Variants in SGCZ observed in about 807,000 individuals in gnomAD.
The protein encoded by SGCZ is sarcoglycan zeta, also known as zeta-sarcoglycan.
Under a neutral mutation model 41.3 loss-of-function variants are expected in SGCZ, and 40 were observed. The observed-to-expected ratio is 0.97, with a 90% CI of 0.75 to 1.26. The LOEUF (loss-of-function observed/expected upper bound fraction) is 1.26, where lower values mean the gene tolerates loss of function less well. SGCZ is among the 50% of genes most tolerant of loss of function. The probability of loss-of-function intolerance (pLI) is 0.00; values close to 1 mark genes in which losing one functional copy is unlikely to be tolerated. For synonymous variants in SGCZ, 206 were observed against 137.5 expected (o/e 1.50, Z -3.49); for missense variants, 552 against 369.8 (o/e 1.49, Z -4.04).
chr8:14,209,413 T>C (rs10104923), intron 4 of SGCZ, among the ~76,000 whole-genome samples: 114,333 of 151,580 alleles, frequency 0.75, 44,206 homozygotes, highest in African/African-American at 0.91. Flanking sequence ...TTAATTTTCT[T>C]GGTGTGAGAC....
intron 2 of SGCZ, among the ~76,000 whole-genome samples, chr8:14,527,872 G>C (rs931309700): frequency 2.0e-5 from 3 of 151,990 alleles, no homozygotes; most frequent in African/African-American, 7.2e-5. Flanking sequence ...TTCTTTATGA[G>C]TATTCTATAA....
intron 1 of SGCZ, among the ~76,000 whole-genome samples, chr8:14,732,134 T>C (rs538577682): frequency 6.6e-6 from 1 of 152,336 alleles, no homozygotes; most frequent in South Asian, 2.1e-4. Context: ...ATTTAAGTGA[T>C]AACAGGATCT....
At chr8:14,737,514 G>A (rs946322331) in intron 1 of SGCZ, among the ~76,000 whole-genome samples, 2 of 152,030 alleles carry the variant, frequency 1.3e-5, no homozygotes, top group Non-Finnish European at 2.9e-5. Context: ...TACCTTGTTA[G>A]GGCTGATATA....
At chr8:14,771,719 A>G (rs943874089) in intron 1 of SGCZ, among the ~76,000 whole-genome samples, 3 of 152,258 alleles carry the variant, frequency 2.0e-5, no homozygotes, top group African/African-American at 7.2e-5. Flanking sequence ...CTTCACGAAG[A>G]TAAGATCAAG....
chr8:14,582,715 G>T (rs969288234), intron 1 of SGCZ, among the ~76,000 whole-genome samples: 2 of 136,128 alleles, frequency 1.5e-5, no homozygotes, highest in African/African-American at 5.6e-5. Context: ...GTGTCCGTGT[G>T]TTCTCATTGT....
chr8:15,215,310 TC>T (rs922787517), intron 1 of SGCZ, among the ~76,000 whole-genome samples: 26 of 152,302 alleles, frequency 1.7e-4, no homozygotes, highest in African/African-American at 5.3e-4. Flanking sequence ...AAAACGTTTT[TC>T]CTAAAATGCA....
Position 15,149,420 on chromosome 8 carries a change from C to A in SGCZ, c.39+88165G>T, listed in dbSNP as rs542049871. ...GGACTATGAACTTGATTTTGCAAAC[C>A]TAGTACCAGTTCAGCAGTGGCAAGT... On this transcript the variant is annotated intron_variant, in intron 1 of 7. Transcript: ENST00000382080. Among the ~76,000 whole-genome samples the A allele has an allele frequency of 1.8e-4, 27 of 152,174 alleles. No individual in the cohort carries two copies. The South Asian group carries it at 4.1e-3, about 23-fold the overall frequency.
intron 2 of SGCZ, among the ~76,000 whole-genome samples, chr8:14,448,558 AAAAACCT>A (rs1274892849): frequency 6.6e-6 from 1 of 152,222 alleles, no homozygotes; most frequent in Non-Finnish European, 1.5e-5. Context: ...TCTATTTGGG[AAAAACCT>A]AACTTCATGA....
chr8:14,660,223 A>C (rs1221070706), intron 1 of SGCZ, among the ~76,000 whole-genome samples: 1 of 152,106 alleles, frequency 6.6e-6, no homozygotes, highest in East Asian at 1.9e-4. Context: ...CATTTTAGAC[A>C]CTGTTCGGTG....
intron 5 of SGCZ, among the ~76,000 whole-genome samples, chr8:14,144,966 A>G (rs1011348747): frequency 3.3e-5 from 5 of 152,188 alleles, no homozygotes; most frequent in Admixed American, 1.3e-4. Flanking sequence ...CCACAGTAAA[A>G]TAGAACACCA....
At chr8:15,232,141 T>C (rs1411946734) in intron 1 of SGCZ, among the ~76,000 whole-genome samples, 3 of 152,226 alleles carry the variant, frequency 2.0e-5, no homozygotes, top group Non-Finnish European at 2.9e-5. Context: ...TCATTTTCCT[T>C]AGTAACTTAA....
At chr8:15,080,068 T>C (rs896195909) in intron 1 of SGCZ, among the ~76,000 whole-genome samples, 1 of 152,188 alleles carries the variant, frequency 6.6e-6, no homozygotes, top group Non-Finnish European at 1.5e-5. Flanking sequence ...TTTTCTTGTT[T>C]GTATTTTCTT....
chr8:14,560,803 T>C (rs1804185257), intron 1 of SGCZ, among the ~76,000 whole-genome samples: 1 of 152,024 alleles, frequency 6.6e-6, no homozygotes, highest in African/African-American at 2.4e-5. Flanking sequence ...ATCAAATGCC[T>C]CTAACAATTT....
intron 1 of SGCZ, among the ~76,000 whole-genome samples, chr8:15,077,128 A>C (rs955771793): frequency 6.6e-6 from 1 of 152,262 alleles, no homozygotes; most frequent in Non-Finnish European, 1.5e-5. Context: ...TCTTTTTTTC[A>C]TGAATAACAG....
chr8:15,020,526 T>G (rs1425677645), intron 1 of SGCZ, among the ~76,000 whole-genome samples: 3 of 152,132 alleles, frequency 2.0e-5, no homozygotes, highest in Non-Finnish European at 4.4e-5. Flanking sequence ...TATTCTTGAT[T>G]AAAATATAAT....
intron 1 of SGCZ, among the ~76,000 whole-genome samples, chr8:14,591,223 T>G (rs898569135): frequency 6.6e-6 from 1 of 151,932 alleles, no homozygotes; most frequent in African/African-American, 2.4e-5. Context: ...ATAAATTTGA[T>G]CCTTCTTTTT....
chr8:14,231,160 A>AGTGTGTGTGTGTGTGTGTGTGTGTGT (rs71209027), intron 4 of SGCZ, among the ~76,000 whole-genome samples: 4 of 112,092 alleles, frequency 3.6e-5, no homozygotes, highest in East Asian at 2.5e-4. Context: ...TCTTTGGGCA[A>AGTGTGTGTGTGTGTGTGTGTGTGTGT]GTGTGTGTGT....
At chr8:14,599,130 G>A (rs906379807) in intron 1 of SGCZ, among the ~76,000 whole-genome samples, 5 of 151,998 alleles carry the variant, frequency 3.3e-5, no homozygotes, top group African/African-American at 7.3e-5. Flanking sequence ...CTTCATCTCC[G>A]TACATCAATT....
At chr8:14,450,139 T>C (rs1261971973) in intron 2 of SGCZ, among the ~76,000 whole-genome samples, 3 of 152,088 alleles carry the variant, frequency 2.0e-5, no homozygotes, top group Non-Finnish European at 4.4e-5. Flanking sequence ...AGAGATGCCA[T>C]CGTGAATGTC....
Sources: allele counts gnomAD v4.1 joint callset (sites outside exome capture counted in the v4.1 genomes callset), GRCh38; gene constraint gnomAD v4.1.1; transcripts MANE v1.5; gene names NCBI Gene and HGNC (gene_info 2026-07-23, HGNC 2026-07-21).